COL16A1: variants seen among roughly 807,000 people sequenced by gnomAD.
COL16A1 encodes collagen alpha-1(XVI) chain.
A neutral mutation model predicts 266.3 loss-of-function variants in COL16A1; 189 were observed. The ratio of observed to expected loss-of-function variants is 0.71; its 90% confidence interval spans 0.63 to 0.80. COL16A1 has a LOEUF of 0.80. Among genes scored for constraint, COL16A1 ranks in the 30% least tolerant of loss-of-function variants. The pLI is 0.00. For synonymous variants in COL16A1, 740 were observed against 782.3 expected, an observed-to-expected ratio of 0.95 and a Z score of 0.90; for missense variants, 1,928 against 2,122.4, an observed-to-expected ratio of 0.91 and a Z score of 1.80.
At chr1:31,683,408 C>T (rs772441178) in intron 34 of COL16A1, 39 bp from the exon 35 acceptor site, 21 of 1,612,868 alleles carry the variant, frequency 1.3e-5, no homozygotes, top group Non-Finnish European at 1.7e-5. Context: ...ACAGCAGCCA[C>T]AGCCAACCTG....
Position 31,652,628 on chromosome 1 carries a change from C to A in COL16A1, c.*23G>T. The A allele has an allele frequency of 6.5e-7, 1 of 1,543,700 alleles. No individual in the cohort carries two copies. The highest frequency in any genetic ancestry group is 1.3e-5 in the South Asian group (1 of 79,618). ...GCCATTTATTCCCAACGGAGTCTTTCATCCAAAGGCAGGTGGGGAATTTCA... is the reference window on the plus strand; with the variant it reads ...GCCATTTATTCCCAACGGAGTCTTTAATCCAAAGGCAGGTGGGGAATTTCA... On this transcript the variant is annotated 3_prime_UTR_variant, in exon 71 of 71. Coordinates refer to ENST00000373672, the MANE Select transcript of COL16A1 (RefSeq NM_001856.4). The surrounding 1 kb of genome is among the most constrained non-coding windows in gnomAD (Gnocchi z 4.8).
In COL16A1 at chr1:31,653,714, A is replaced by T. The variant is rs191001669; in HGVS notation, c.4535-38T>A. 158 of 1,600,556 alleles carry T rather than the reference A, an allele frequency of 9.9e-5. No individual in the cohort carries two copies. The African/African-American group carries it at 1.9e-3, about 19-fold the overall frequency. On this transcript the variant is annotated intron_variant, in intron 69 of 70. Transcript: ENST00000373672. ...AAATAAATAAGTCCTATCCCTGAGC[A>T]GAAAAATGACACAGCCAGTCAGATT...
chr1:31,691,684 G>T (rs768077443), intron 17 of COL16A1, 42 bp from the exon 18 acceptor site: 4 of 1,593,124 alleles, frequency 2.5e-6, no homozygotes, highest in Non-Finnish European at 3.4e-6. Context: ...CAGCCCTGAG[G>T]CCTGGCACCG....
chr1:31,673,472 C>T (rs921378751), intron 44 of COL16A1, among the ~76,000 whole-genome samples: 1 of 152,212 alleles, frequency 6.6e-6, no homozygotes, highest in African/African-American at 2.4e-5. Context: ...TCTGAGGACT[C>T]AGGAGCCCGG....
intron 9 of COL16A1, 79 bp downstream of exon 9, chr1:31,696,009 C>A: frequency 7.7e-7 from 1 of 1,292,816 alleles, no homozygotes; most frequent in South Asian, 1.3e-5. Flanking sequence ...GGGAGTGGAG[C>A]ACCTTATCCC....
In COL16A1 at chr1:31,683,000, T is replaced by A. The variant is rs751892583; in HGVS notation, c.2472A>T (p.Gly824=). 12 of 1,613,974 alleles carry A rather than the reference T, an allele frequency of 7.4e-6. 1 individual carries two copies. In the South Asian group the frequency reaches 1.3e-4, roughly 18 times the overall value. Residue 824 remains glycine, a splice_region_variant and synonymous_variant, in exon 37 of 71, where the codon GGA becomes GGT. Transcript: ENST00000373672. ...PGPTGEKGAQ[G]SPGVKGATGP... is the part of the protein sequence containing the mutation. ...CGGTGGCTCCTTTCACCCCTGGAGA[T>A]CCCTGTGTAAGAGAAGGTACAAAGG...
rs772783275 is a variant in COL16A1, at chr1:31,695,748, C to G, written c.945+13G>C. The G allele has an allele frequency of 6.2e-7, 1 of 1,613,618 alleles. No individual in the cohort carries two copies. The highest frequency in any genetic ancestry group is 8.5e-7 in the Non-Finnish European group (1 of 1,179,798). On this transcript the variant is annotated intron_variant, in intron 10 of 70. Transcript: ENST00000373672. Reference sequence around the variant, plus strand: ...TGGCACCTCCCCTGCTGCCAGTCCACTGGGAGGCTTACCTCATCGGCTGCT... The same window carrying G: ...TGGCACCTCCCCTGCTGCCAGTCCAGTGGGAGGCTTACCTCATCGGCTGCT...
rs146546837 is a variant in COL16A1, at chr1:31,690,194, CT to C, written c.1509+172del. On this transcript the variant is annotated intron_variant, in intron 22 of 70. Transcript: ENST00000373672. ...GGCAGAGTTTGAACCCAGCTCACCCCTAAGCCAGGTTCTTTATGTACTCACT... is the reference window on the plus strand; with the variant it reads ...GGCAGAGTTTGAACCCAGCTCACCCCAAGCCAGGTTCTTTATGTACTCACT... Among the ~76,000 whole-genome samples the C allele has an allele frequency of 4.4e-3, 673 of 152,324 alleles. 4 individuals carry two copies. Among genetic ancestry groups the C allele is most frequent in the African/African-American group, 0.016 (649 of 41,570 alleles).
chr1:31,662,307 G>GGGCCCCCCCCCCCCCCC, intron 58 of COL16A1, 27 bp downstream of exon 58: 1 of 1,598,010 alleles, frequency 6.3e-7, no homozygotes, highest in Non-Finnish European at 8.5e-7. Context: ...AGGAAGGGGT[G>GGGCCCCCCCCCCCCCCC]CCCGCCCTCC....
chr1:31,657,234 C>T lies in COL16A1; in HGVS notation c.4021-166G>A. ...GGGCACAGGCCGTGGAAACTTAGAC[C>T]CCCACCCCATACTCCAGCGTGATCC... On this transcript the variant is annotated intron_variant, in intron 64 of 70. Coordinates refer to ENST00000373672, the MANE Select transcript of COL16A1 (RefSeq NM_001856.4). This position sits in a 1 kb window ranked among gnomAD's most constrained non-coding sequence, Gnocchi z 6.4. The T allele has an allele frequency of 2.6e-6, 2 of 764,792 alleles. No homozygotes were observed. The highest frequency in any genetic ancestry group is 1.6e-5 in the South Asian group (1 of 61,440). The allele number at this position is 764,792 out of a possible 1,614,324, so 47.4% of individuals were successfully genotyped here. A position where few individuals can be genotyped will look rare whatever the true frequency, so the allele number is the denominator to read the frequency against.
Position 31,692,520 on chromosome 1 carries a change from G to A in COL16A1, c.1159-11C>T. The A allele has an allele frequency of 1.2e-6, 2 of 1,614,008 alleles. No homozygotes were observed. The highest frequency in any genetic ancestry group is 1.7e-6 in the Non-Finnish European group (2 of 1,179,922). On this transcript the variant is annotated splice_polypyrimidine_tract_variant and intron_variant, in intron 15 of 70. Transcript: ENST00000373672. ...GAGTCCTGAGGGTCCCTGAGATGAG[G>A]AAGGGAGACAGAGGAAGGGAGGGTA...
chr1:31,654,009 G>A lies in COL16A1; in HGVS notation c.4392C>T (p.Phe1464=), dbSNP rs1212676609. ...CCGGAGCTGCCGCCATCTCCATGGGGAACTGCATCCTGGAGGTGTAGTAAG... is the reference window on the plus strand; with the variant it reads ...CCGGAGCTGCCGCCATCTCCATGGGAAACTGCATCCTGGAGGTGTAGTAAG... ...RMAYYTSRMQ[F]PMEMAAAPGR... is the part of the protein sequence containing the mutation. Residue 1464 remains phenylalanine (F), a synonymous_variant, in exon 69 of 71, where the codon TTC becomes TTT. Coordinates refer to ENST00000373672, the MANE Select transcript of COL16A1 (RefSeq NM_001856.4). 18 of 1,614,020 alleles carry A rather than the reference G, an allele frequency of 1.1e-5. No individual in the cohort carries two copies. Among genetic ancestry groups the A allele is most frequent in the Non-Finnish European group, 1.4e-5 (17 of 1,179,998 alleles).
chr1:31,702,669 T>C (rs976241414), intron 1 of COL16A1, among the ~76,000 whole-genome samples: 2 of 152,162 alleles, frequency 1.3e-5, no homozygotes, highest in East Asian at 1.9e-4. Flanking sequence ...CTGGTATATA[T>C]ACCAGCCTGA....
chr1:31,678,824 C>T (rs1643389854), intron 42 of COL16A1, among the ~76,000 whole-genome samples: 1 of 152,194 alleles, frequency 6.6e-6, no homozygotes, highest in Non-Finnish European at 1.5e-5. Context: ...ACAGCTAGCA[C>T]ATGGCAGAGC....
At position 31,665,823 on chromosome 1, in the gene COL16A1, T is replaced by A; in HGVS notation, c.3456+59A>T. The A allele has an allele frequency of 2.5e-6, 4 of 1,610,804 alleles. No homozygotes were observed. The South Asian group carries it at 4.4e-5, about 18-fold the overall frequency. On this transcript the variant is annotated intron_variant, in intron 54 of 70. Transcript: ENST00000373672. ...AGGGTGGGGAGACTAGAGCTGGTGA[T>A]CACCAGGGACCCAGCTCCTTCCCTG...
chr1:31,682,825 C>A, intron 37 of COL16A1, 109 bp downstream of exon 37: 1 of 1,395,866 alleles, frequency 7.2e-7, no homozygotes, highest in Admixed American at 2.0e-5. Context: ...CTCTCTCCTC[C>A]CATCCCCTGT....
Position 31,685,877 on chromosome 1 carries a change from C to T in COL16A1, c.1885-107G>A, listed in dbSNP as rs953066777. The T allele has an allele frequency of 6.5e-7, 1 of 1,546,472 alleles. No individual in the cohort carries two copies. Among genetic ancestry groups the T allele is most frequent in the Non-Finnish European group, 8.8e-7 (1 of 1,139,076 alleles). ...TGTCACTGGGTCTGACACTGCACCTCTGCTGGGTGAGGGGTTATCTTGGGA... is the reference window on the plus strand; with the variant it reads ...TGTCACTGGGTCTGACACTGCACCTTTGCTGGGTGAGGGGTTATCTTGGGA... On this transcript the variant is annotated intron_variant, in intron 28 of 70. Transcript: ENST00000373672. The surrounding 1 kb of genome is among the most constrained non-coding windows in gnomAD (Gnocchi z 4.0).
intron 42 of COL16A1, 58 bp from the exon 43 acceptor site, chr1:31,675,369 C>G: frequency 1.9e-6 from 3 of 1,590,580 alleles, no homozygotes; most frequent in Non-Finnish European, 2.6e-6. Context: ...TGCTGGTCAG[C>G]CTGTTTCCTT....
At chr1:31,694,009 A>G in intron 12 of COL16A1, 135 bp downstream of exon 12, 1 of 755,328 alleles carries the variant, frequency 1.3e-6, no homozygotes, top group Non-Finnish European at 2.2e-6. Flanking sequence ...TTTACCACGC[A>G]TACACTTAAT....
Sources: gnomAD v4.1 joint callset for allele counts (sites outside exome capture counted in the v4.1 genomes callset) on GRCh38, gnomAD v4.1.1 for gene constraint, Gnocchi (gnomAD v3.1) non-coding constraint, MANE v1.5 for transcripts, NCBI Gene and HGNC (gene_info 2026-07-23, HGNC 2026-07-21) for gene names.